Variants in PRKCQ observed in about 807,000 individuals in gnomAD.
PRKCQ encodes protein kinase C theta type.
In PRKCQ, 41 loss-of-function variants were observed where a neutral mutation model predicts 91.2. The ratio of observed to expected loss-of-function variants is 0.45; its 90% CI spans 0.35 to 0.58. PRKCQ has a LOEUF of 0.58. Ranked by LOEUF, PRKCQ falls within the 20% of genes least tolerant of loss-of-function variation. The probability of loss-of-function intolerance (pLI) is 0.00; values close to 1 mark genes in which losing one functional copy is unlikely to be tolerated. For missense variants in PRKCQ, 673 were observed against 896.5 expected (o/e 0.75, Z 3.18); for synonymous variants, 307 against 316.9 (o/e 0.97, Z 0.33).
chr10:6,438,613 G>A (rs1352035617), intron 16 of PRKCQ, among the ~76,000 whole-genome samples: 1 of 151,338 alleles, frequency 6.6e-6, no homozygotes, highest in Admixed American at 6.6e-5. Context: ...TTTTTGCGGG[G>A]GGGACAGGGT....
At chr10:6,499,056 A>G (rs2130824206) in intron 4 of PRKCQ, among the ~76,000 whole-genome samples, 1 of 152,294 alleles carries the variant, frequency 6.6e-6, no homozygotes, top group South Asian at 2.1e-4. Flanking sequence ...GACATGCTGG[A>G]GTAGACTAGG....
At chr10:6,418,308 G>A in the PRKCQ span, among the ~76,000 whole-genome samples, 3 of 152,198 alleles carry the variant, frequency 2.0e-5, no homozygotes, top group Admixed American at 1.3e-4. Flanking sequence ...GCCAGTGGAT[G>A]CTGATGAATG....
In PRKCQ at chr10:6,465,704, G is replaced by A. The variant is rs1379465876; in HGVS notation, c.1354-1300C>T. On this transcript the variant is annotated intron_variant, in intron 12 of 17. Transcript: ENST00000263125. This position sits in a 1 kb window ranked among gnomAD's most constrained non-coding sequence, Gnocchi z 4.4. Reference sequence around the variant, plus strand: ...GAGGTAATAGTAGAAACATTGTTCTGGTCTGACAGTGAGACTCCTTGCCTG... The same window carrying A: ...GAGGTAATAGTAGAAACATTGTTCTAGTCTGACAGTGAGACTCCTTGCCTG... Among the ~76,000 whole-genome samples the A allele has an allele frequency of 1.3e-5, 2 of 152,220 alleles. No homozygotes were observed. The highest frequency in any genetic ancestry group is 2.9e-5 in the Non-Finnish European group (2 of 68,040).
chr10:6,508,590 T>C (rs1363229476), intron 3 of PRKCQ, among the ~76,000 whole-genome samples: 1 of 152,228 alleles, frequency 6.6e-6, no homozygotes, highest in Non-Finnish European at 1.5e-5. Context: ...TTTCAACAGA[T>C]TAATGAAAAG....
At chr10:6,396,312 C>A in the PRKCQ span, among the ~76,000 whole-genome samples, 4 of 152,146 alleles carry the variant, frequency 2.6e-5, no homozygotes, top group African/African-American at 9.7e-5. Flanking sequence ...AACATTTACC[C>A]TTTTAAAGTA....
At chr10:6,435,304 C>T (rs913082153) in intron 16 of PRKCQ, among the ~76,000 whole-genome samples, 47 of 152,294 alleles carry the variant, frequency 3.1e-4, no homozygotes, top group Middle Eastern at 6.8e-3. Flanking sequence ...TCAGCTTTTC[C>T]GGAGGACCTA....
chr10:6,452,690 A>C (rs1325128457), intron 15 of PRKCQ, among the ~76,000 whole-genome samples: 5 of 150,256 alleles, frequency 3.3e-5, no homozygotes, highest in African/African-American at 1.2e-4. Flanking sequence ...AGGCTACAGT[A>C]ACCAAAACAG....
intron 13 of PRKCQ, among the ~76,000 whole-genome samples, chr10:6,463,578 G>T (rs1012155150): frequency 1.3e-5 from 2 of 152,192 alleles, no homozygotes; most frequent in African/African-American, 4.8e-5. Context: ...TTAAGAAGCT[G>T]GCGGACCAAA....
chr10:6,486,211 G>GTCTTACCTCCAGAGA, intron 8 of PRKCQ, 67 bp from the exon 9 acceptor site: 1 of 1,343,578 alleles, frequency 7.4e-7, no homozygotes, highest in Non-Finnish European at 1.1e-6. Context: ...AACTCTCTCT[G>GTCTTACCTCCAGAGA]GAGGTAAGAC....
At chr10:6,537,536 C>T (rs1475451761) in intron 1 of PRKCQ, among the ~76,000 whole-genome samples, 2 of 152,188 alleles carry the variant, frequency 1.3e-5, no homozygotes, top group African/African-American at 4.8e-5. Context: ...CTGCCCAGAA[C>T]CTCTTCCTTT....
At position 6,454,434 on chromosome 10, in the gene PRKCQ, G is replaced by T. The variant is rs571807358; in HGVS notation, c.1647+2240C>A. Among the ~76,000 whole-genome samples, 7 of 152,204 alleles carry T rather than the reference G, an allele frequency of 4.6e-5. No homozygotes were observed. In the South Asian group the frequency reaches 1.2e-3, roughly 27 times the overall value. On this transcript the variant is annotated intron_variant, in intron 15 of 17. Coordinates refer to ENST00000263125, the MANE Select transcript of PRKCQ (RefSeq NM_006257.5). ...AGGGGATTTGTTTGAGCTTGGAGAA[G>T]GAATCAAGGGAGAGTCTGAATTCAG...
At chr10:6,544,076 G>A (rs141629556) in intron 1 of PRKCQ, among the ~76,000 whole-genome samples, 2 of 152,202 alleles carry the variant, frequency 1.3e-5, no homozygotes, top group East Asian at 3.9e-4. Flanking sequence ...ATCTTACTAT[G>A]GTACCTTTAC....
intron 1 of PRKCQ, among the ~76,000 whole-genome samples, chr10:6,522,730 C>A (rs1780603520): frequency 6.6e-6 from 1 of 152,112 alleles, no homozygotes; most frequent in Admixed American, 6.5e-5. Flanking sequence ...GAGAGTCTCA[C>A]AGAATTAAAA....
At chr10:6,565,631 A>C (rs1423720714) in intron 1 of PRKCQ, among the ~76,000 whole-genome samples, 1 of 152,174 alleles carries the variant, frequency 6.6e-6, no homozygotes, top group East Asian at 1.9e-4. Flanking sequence ...TTCTCTCCTA[A>C]AGCACTTTTA....
chr10:6,443,576 A>T (rs1202448084), intron 15 of PRKCQ, among the ~76,000 whole-genome samples: 1 of 152,234 alleles, frequency 6.6e-6, no homozygotes, highest in Non-Finnish European at 1.5e-5. Context: ...ATGCTGCAAG[A>T]TCTCATTTAT....
intron 15 of PRKCQ, among the ~76,000 whole-genome samples, chr10:6,451,207 A>T (rs1430047963): frequency 1.3e-5 from 2 of 149,250 alleles, no homozygotes. Context: ...AAAAGAGAGA[A>T]GAATCATATA....
In PRKCQ at chr10:6,455,577, G is replaced by A. The variant is rs780704197; in HGVS notation, c.1647+1097C>T. On this transcript the variant is annotated intron_variant, in intron 15 of 17. Transcript: ENST00000263125. ...ATCAAACAACCATCTCCAATCACAC[G>A]TTTATTAGTTAGTTCATCCATTTAC... Among the ~76,000 whole-genome samples, 52 of 152,264 alleles carry A rather than the reference G, an allele frequency of 3.4e-4. 1 individual carries two copies. The highest frequency in any genetic ancestry group is 8.3e-4 in the South Asian group (4 of 4,828).
Position 6,430,993 on chromosome 10 carries a change from C to G in PRKCQ, c.1837-55G>C. The G allele has an allele frequency of 6.3e-7, 1 of 1,583,262 alleles. No individual in the cohort carries two copies. The highest frequency in any genetic ancestry group is 1.1e-5 in the South Asian group (1 of 87,522). On this transcript the variant is annotated intron_variant, in intron 16 of 17. Transcript: ENST00000263125. This position sits in a 1 kb window ranked among gnomAD's most constrained non-coding sequence, Gnocchi z 4.7. ...GTCTCCAGGGATGACCCTTTTGCAT[C>G]AGGAGGTCGTGGTGCTTCCTGGTGC...
chr10:6,460,925 T>A lies in PRKCQ; in HGVS notation c.1508+1378A>T, dbSNP rs549656602. Among the ~76,000 whole-genome samples the A allele has an allele frequency of 4.0e-5, 6 of 149,186 alleles. No homozygotes were observed. In the East Asian group the frequency reaches 1.2e-3, roughly 30 times the overall value. On this transcript the variant is annotated intron_variant, in intron 14 of 17. Transcript: ENST00000263125. ...TCCATCCATCCGTCCAACCATCTGT[T>A]CATCCATCCGTTGTCCATCCATCCA...
Sources: gnomAD v4.1 joint callset for allele counts (sites outside exome capture counted in the v4.1 genomes callset) on GRCh38, gnomAD v4.1.1 for gene constraint, Gnocchi (gnomAD v3.1) non-coding constraint, MANE v1.5 for transcripts, NCBI Gene and HGNC (gene_info 2026-07-23, HGNC 2026-07-21) for gene names.